The following FKBP5 variants were observed in gnomAD, a reference collection of about 807,000 sequenced individuals.
FKBP5 encodes the protein peptidyl-prolyl cis-trans isomerase FKBP5.
A neutral mutation model predicts 50.5 loss-of-function variants in FKBP5; 23 were observed. That is an observed-to-expected ratio of 0.46 (90% confidence interval 0.33 to 0.65). The LOEUF is 0.65. Among genes scored for constraint, FKBP5 ranks in the 30% least tolerant of loss-of-function variants. The pLI, the probability that FKBP5 is intolerant of heterozygous loss-of-function variation, is 0.02. For synonymous variants in FKBP5, 176 were observed against 190.6 expected (o/e 0.92, Z 0.63); for missense variants, 411 against 553.1 (o/e 0.74, Z 2.58).
At chr6:35,585,887 A>ATATT in intron 8 of FKBP5, 1 of 985,302 alleles carries the variant, frequency 1.0e-6, no homozygotes, top group Non-Finnish European at 1.2e-6. Flanking sequence ...GGTTGATTAT[A>ATATT]TATTCTTACA....
At chr6:35,636,957 A>G in intron 3 of FKBP5, 57 bp downstream of exon 3, 2 of 1,451,390 alleles carry the variant, frequency 1.4e-6, no homozygotes, top group Non-Finnish European at 1.9e-6. Flanking sequence ...CTGCTCCTAT[A>G]TATTACAAAT....
At chr6:35,663,163 C>A (rs1765117500) in intron 1 of FKBP5, among the ~76,000 whole-genome samples, 1 of 152,154 alleles carries the variant, frequency 6.6e-6, no homozygotes, top group African/African-American at 2.4e-5. Context: ...AGAGGACCCT[C>A]TAAAACAGAG....
In FKBP5 at chr6:35,577,102, A is replaced by T; in HGVS notation, c.1158T>A (p.Ala386=). ...KVLEVNPQNK[A]ARLQISMCQK... ...GGCACATGGAGATCTGCAGTCTTGCAGCCTTATTCTGGGGGTTTACTTCCA... is the reference window on the plus strand; with the variant it reads ...GGCACATGGAGATCTGCAGTCTTGCTGCCTTATTCTGGGGGTTTACTTCCA... The change falls in exon 10 of 11, where the codon GCT becomes GCA. Residue 386 remains alanine (A), a synonymous_variant. Transcript: ENST00000357266. 6.2e-7 allele frequency: 1 copy of T among 1,614,174 alleles called. No homozygotes were observed. Among genetic ancestry groups the T allele is most frequent in the Non-Finnish European group, 8.5e-7 (1 of 1,180,026 alleles).
At chr6:35,703,865 A>T (rs1464090077) in intron 2 of FKBP5, among the ~76,000 whole-genome samples, 1 of 152,174 alleles carries the variant, frequency 6.6e-6, no homozygotes, top group African/African-American at 2.4e-5. Flanking sequence ...CCTGAAGTTG[A>T]ATTTGGCATT....
chr6:35,709,214 A>G (rs4713919), intron 2 of FKBP5, among the ~76,000 whole-genome samples: 116,399 of 152,112 alleles, frequency 0.77, 45,178 homozygotes, highest in African/African-American at 0.91. Context: ...GAGTGCTTGC[A>G]CGGGAAAACT....
chr6:35,651,536 G>A (rs1764798405), intron 1 of FKBP5, among the ~76,000 whole-genome samples: 1 of 152,096 alleles, frequency 6.6e-6, no homozygotes, highest in South Asian at 2.1e-4. Flanking sequence ...ATGTTGGGGA[G>A]TCATCAGATT....
chr6:35,655,932 T>C (rs893497727), intron 1 of FKBP5, among the ~76,000 whole-genome samples: 1 of 152,198 alleles, frequency 6.6e-6, no homozygotes, highest in Non-Finnish European at 1.5e-5. Flanking sequence ...TTAATTAGAT[T>C]AGTTTGGTTT....
intron 1 of FKBP5, among the ~76,000 whole-genome samples, chr6:35,652,349 C>G (rs1305743352): frequency 6.6e-6 from 1 of 152,236 alleles, no homozygotes; most frequent in Non-Finnish European, 1.5e-5. Flanking sequence ...TAAACTCTGA[C>G]CGCCGGTGAG....
At chr6:35,642,649 C>T in intron 2 of FKBP5, 71 bp downstream of exon 2, 1 of 1,206,614 alleles carries the variant, frequency 8.3e-7, no homozygotes, top group African/African-American at 1.5e-5. Context: ...CCCAGCCCCC[C>T]TCAGAAAGAG....
chr6:35,719,502 C>A (rs538045146), intron 2 of FKBP5, among the ~76,000 whole-genome samples: 33 of 152,310 alleles, frequency 2.2e-4, no homozygotes, highest in African/African-American at 7.9e-4. Context: ...GTACTGCTAG[C>A]ATCTAAAAGA....
At chr6:35,605,773 TA>T (rs1763294680) in intron 5 of FKBP5, among the ~76,000 whole-genome samples, 1 of 152,058 alleles carries the variant, frequency 6.6e-6, no homozygotes, top group Admixed American at 6.5e-5. Context: ...TGTCCACTCT[TA>T]ACAACTCCTA....
intron 2 of FKBP5, among the ~76,000 whole-genome samples, chr6:35,640,056 GAAACA>G (rs1764434820): frequency 2.0e-5 from 3 of 152,180 alleles, no homozygotes; most frequent in African/African-American, 4.8e-5. Flanking sequence ...ATTGTTGTAA[GAAACA>G]AAACAAAAGA....
At position 35,597,642 on chromosome 6, in the gene FKBP5, A is replaced by C. The variant is rs1410224084; in HGVS notation, c.509-238T>G. Among the ~76,000 whole-genome samples the C allele has an allele frequency of 2.0e-5, 3 of 152,250 alleles. No individual in the cohort carries two copies. In the East Asian group the frequency reaches 5.8e-4, roughly 29 times the overall value. ...GATATTTGTATCAATAAGACAGTTT[A>C]GTGGGTAACAAACCAGAAACACAGG... is the stretch of plus-strand genomic sequence containing the variant. On this transcript the variant is annotated intron_variant, in intron 5 of 10. Coordinates refer to ENST00000357266, the MANE Select transcript of FKBP5 (RefSeq NM_004117.4).
intron 1 of FKBP5, among the ~76,000 whole-genome samples, chr6:35,652,459 T>C (rs1764830786): frequency 6.6e-6 from 1 of 152,198 alleles, no homozygotes; most frequent in African/African-American, 2.4e-5. Context: ...AGAAAGAGAA[T>C]GCGCACCTAG....
intron 5 of FKBP5, among the ~76,000 whole-genome samples, chr6:35,601,597 A>G (rs775612005): frequency 3.9e-5 from 6 of 152,088 alleles, no homozygotes; most frequent in Non-Finnish European, 7.4e-5. Flanking sequence ...CAGAACAAAA[A>G]CCATGGCAGC....
At chr6:35,625,865 C>T (rs1363009871) in intron 3 of FKBP5, among the ~76,000 whole-genome samples, 2 of 150,430 alleles carry the variant, frequency 1.3e-5, no homozygotes, top group South Asian at 2.1e-4. Flanking sequence ...CCGCAAGCTC[C>T]GCCTCCCGGG....
chr6:35,599,727 T>C (rs1561851365), intron 5 of FKBP5, among the ~76,000 whole-genome samples: 1 of 152,238 alleles, frequency 6.6e-6, no homozygotes, highest in Non-Finnish European at 1.5e-5. Context: ...TATGGCATTT[T>C]AGTTTATGTC....
rs1039893091 is a variant in FKBP5, at chr6:35,585,358, A to G, written c.840+1676T>C. On this transcript the variant is annotated intron_variant, in intron 8 of 10. Transcript: ENST00000357266. The stretch of plus-strand genomic sequence containing the variant: ...AATCTTACTTGAATAGTTTAGAAGT[A>G]TCCAATATACCTCAATTAGAATTAA... 3 of 977,262 alleles carry G rather than the reference A, an allele frequency of 3.1e-6. No homozygotes were observed. The African/African-American group carries it at 5.3e-5, about 17-fold the overall frequency. 60.5% of individuals were successfully genotyped at this position (977,262 alleles called of 1,614,324 possible).
At chr6:35,727,448 T>C (rs184499783) in intron 1 of FKBP5, among the ~76,000 whole-genome samples, 217 of 152,276 alleles carry the variant, frequency 1.4e-3, no homozygotes, top group African/African-American at 4.8e-3. Flanking sequence ...TTTCACCCTG[T>C]CGTCCACACC....
Sources: allele counts gnomAD v4.1 joint callset (sites outside exome capture counted in the v4.1 genomes callset), GRCh38; gene constraint gnomAD v4.1.1; transcripts MANE v1.5; gene names NCBI Gene and HGNC (gene_info 2026-07-23, HGNC 2026-07-21).